Variants in TACC3 observed in about 807,000 individuals in gnomAD.
The protein encoded by TACC3 is transforming acidic coiled-coil-containing protein 3.
A neutral mutation model predicts 86.0 loss-of-function variants in TACC3; 52 were observed. That is an observed-to-expected ratio of 0.60 (90% CI 0.48 to 0.76). TACC3 has a LOEUF of 0.76. TACC3 is among the 30% of genes least tolerant of loss of function. The pLI, the probability that TACC3 is intolerant of heterozygous loss-of-function variation, is 0.00. For synonymous variants in TACC3, 512 were observed against 430.0 expected (o/e 1.19, Z -2.36); for missense variants, 1,120 against 1,070.4 (o/e 1.05, Z -0.65).
chr4:1,735,662 C>T lies in TACC3; in HGVS notation c.1645-69C>T. On this transcript the variant is annotated intron_variant, in intron 7 of 15. Coordinates refer to ENST00000313288, the MANE Select transcript of TACC3 (RefSeq NM_006342.3). The surrounding 1 kb of genome is among the most constrained non-coding windows in gnomAD (Gnocchi z 4.2). The stretch of plus-strand genomic sequence containing the variant: ...GGGTGGGAGTGTGCAGGTGACCTCC[C>T]TGGCCCTTAGCCCCCGTGTGTGTTA... The T allele has an allele frequency of 7.9e-7, 1 of 1,261,932 alleles. No individual in the cohort carries two copies. The highest frequency in any genetic ancestry group is 1.1e-6 in the Non-Finnish European group (1 of 886,798). The allele number at this position is 1,261,932 out of a possible 1,614,324, so 78.2% of individuals were successfully genotyped here.
intron 13 of TACC3, 40 bp downstream of exon 13, chr4:1,741,026 G>A (rs1156532658): frequency 1.9e-6 from 3 of 1,564,340 alleles, no homozygotes; most frequent in Non-Finnish European, 2.6e-6. Context: ...CTCGGAGGCT[G>A]ATGGACTCAT....
At chr4:1,720,810 G>A, upstream of TACC3, 1 of 1,593,914 alleles carries the variant, frequency 6.3e-7, no homozygotes. The surrounding 1 kb of genome is among the most constrained non-coding windows in gnomAD (Gnocchi z 4.4). Context: ...AGATAGGCGA[G>A]AGTGAAGGTC....
Position 1,728,498 on chromosome 4 carries a change from C to T in TACC3, c.1096C>T (p.Pro366Ser), listed in dbSNP as rs148296260. 137 of 1,613,882 alleles carry T rather than the reference C, an allele frequency of 8.5e-5. No homozygotes were observed. The highest frequency in any genetic ancestry group is 6.6e-4 in the Middle Eastern group (4 of 6,082). The change falls in exon 4 of 16, where the codon CCC (proline) becomes TCC (serine). Residue 366 changes from proline (P) to serine (S), a missense_variant. Pro to Ser is a moderately conservative substitution (Grantham distance 74). Coordinates refer to ENST00000313288, the MANE Select transcript of TACC3 (RefSeq NM_006342.3). ...GGGAGAGAGGTCCGGCCTCAAGCCT[C>T]CCTTGAGGAAAGCAGCAGTGAGGCA... The part of the protein sequence containing the change: ...RLGERSGLKP[P>S]LRKAAVRQQK...
intron 13 of TACC3, 120 bp downstream of exon 13, chr4:1,741,106 C>A: frequency 1.0e-6 from 1 of 982,238 alleles, no homozygotes; most frequent in Non-Finnish European, 1.5e-6. Flanking sequence ...CCCCTTGCCA[C>A]GGGGGCATGG....
intron 6 of TACC3, 134 bp downstream of exon 6, chr4:1,731,435 C>G: frequency 3.0e-6 from 3 of 1,004,452 alleles, no homozygotes; most frequent in Non-Finnish European, 4.4e-6. Context: ...CTTTGAATGA[C>G]TCATGCACAA....
At chr4:1,731,865 C>T (rs1050505290) in intron 6 of TACC3, among the ~76,000 whole-genome samples, 3 of 152,244 alleles carry the variant, frequency 2.0e-5, no homozygotes, top group African/African-American at 4.8e-5. Flanking sequence ...AAACTCTGAC[C>T]TCAAGTGATC....
At chr4:1,738,619 C>T (rs189283982) in intron 10 of TACC3, among the ~76,000 whole-genome samples, 1 of 152,230 alleles carries the variant, frequency 6.6e-6, no homozygotes, top group Non-Finnish European at 1.5e-5. Flanking sequence ...TTTTTACTTT[C>T]TGCAGAAAGG....
chr4:1,724,764 T>A (rs1270202650), intron 3 of TACC3, among the ~76,000 whole-genome samples: 3 of 151,044 alleles, frequency 2.0e-5, no homozygotes, highest in Non-Finnish European at 4.4e-5. Flanking sequence ...GATGTAACTG[T>A]TGTTGCTGTT....
intron 11 of TACC3, 79 bp downstream of exon 11, chr4:1,739,857 TC>T: frequency 6.4e-7 from 1 of 1,564,130 alleles, no homozygotes; most frequent in Non-Finnish European, 8.8e-7. Context: ...GCCATCCTTG[TC>T]CCCATCCCCC....
chr4:1,737,648 C>T lies in TACC3; in HGVS notation c.1887C>T (p.Ser629=), dbSNP rs1253441547. ...CCGCGCCTGGGGGCCCACCCCTGTCCACCGGACCTATAGTGGACCTGCTCC... is the reference window on the plus strand; with the variant it reads ...CCGCGCCTGGGGGCCCACCCCTGTCTACCGGACCTATAGTGGACCTGCTCC... The part of the protein sequence containing the change: ...GVPAPGGPPL[S]TGPIVDLLQY... The change falls in exon 10 of 16, where the codon TCC becomes TCT. Residue 629 remains serine, a synonymous_variant. Transcript: ENST00000313288. The T allele has an allele frequency of 2.6e-6, 4 of 1,546,544 alleles. No individual in the cohort carries two copies. Among genetic ancestry groups the T allele is most frequent in the Non-Finnish European group, 3.5e-6 (4 of 1,144,028 alleles).
chr4:1,744,393 G>T (rs918224717), intron 13 of TACC3, 125 bp from the exon 14 acceptor site: 2 of 822,452 alleles, frequency 2.4e-6, no homozygotes, highest in African/African-American at 3.5e-5. Flanking sequence ...AAAGGAAAAC[G>T]GGAGCTACTG....
At chr4:1,725,593 C>G (rs1384591505) in intron 3 of TACC3, among the ~76,000 whole-genome samples, 1 of 152,316 alleles carries the variant, frequency 6.6e-6, no homozygotes, top group East Asian at 1.9e-4. Flanking sequence ...CCACAGATCC[C>G]CTGCCTCTCC....
chr4:1,731,213 C>T lies in TACC3; in HGVS notation c.1503C>T (p.Ser501=), dbSNP rs147718285. ...CTGCCAGCACCTCGCTTCCCACAAG[C>T]TGTCCAGGCAGTGAGCCAGTGCCCA... The part of the protein sequence containing the change: ...LNSASTSLPT[S]CPGSEPVPTH... Residue 501 remains serine (S), a synonymous_variant, in exon 6 of 16, where the codon AGC becomes AGT. Coordinates refer to ENST00000313288, the MANE Select transcript of TACC3 (RefSeq NM_006342.3). 21 of 1,613,424 alleles carry T rather than the reference C, an allele frequency of 1.3e-5. No homozygotes were observed. In the African/African-American group the frequency reaches 2.8e-4, roughly 21 times the overall value.
intron 12 of TACC3, 120 bp downstream of exon 12, chr4:1,740,122 C>A: frequency 3.1e-6 from 3 of 974,582 alleles, no homozygotes; most frequent in African/African-American, 1.6e-5. Flanking sequence ...TCCTAACACA[C>A]GAGTCCCTTC....
intron 3 of TACC3, among the ~76,000 whole-genome samples, chr4:1,725,961 T>C (rs1717667219): frequency 6.6e-6 from 1 of 152,226 alleles, no homozygotes; most frequent in Admixed American, 6.5e-5. Flanking sequence ...TTCTCAGTTT[T>C]GACATCTTCA....
chr4:1,730,737 G>C (rs1199628755), intron 4 of TACC3, 150 bp from the exon 5 acceptor site: 3 of 931,404 alleles, frequency 3.2e-6, no homozygotes, highest in Non-Finnish European at 5.2e-6. Flanking sequence ...AGGTCGCTTG[G>C]GACAGCCCCA....
Position 1,735,342 on chromosome 4 carries a change from TC to T in TACC3, c.1644+19del, listed in dbSNP as rs1718200352. 1.2e-6 allele frequency: 2 copies of T among 1,613,844 alleles called. No homozygotes were observed. The highest frequency in any genetic ancestry group is 1.7e-6 in the Non-Finnish European group (2 of 1,179,998). Reference sequence around the variant, plus strand: ...ACTTCCTCGGTAGGTACCAGGCAATTCCGCGAAGCCTCACCCACAGGGTGTC... The same window carrying T: ...ACTTCCTCGGTAGGTACCAGGCAATTCGCGAAGCCTCACCCACAGGGTGTC... On this transcript the variant is annotated intron_variant, in intron 7 of 15. Transcript: ENST00000313288. The surrounding 1 kb of genome is among the most constrained non-coding windows in gnomAD (Gnocchi z 4.2).
chr4:1,740,301 C>T lies in TACC3; in HGVS notation c.2062+299C>T, dbSNP rs1293659523. 5.6e-6 allele frequency: 3 copies of T among 538,742 alleles called. No individual in the cohort carries two copies. In the East Asian group the frequency reaches 9.4e-5, roughly 17 times the overall value. The allele number at this position is 538,742 out of a possible 1,614,324, so 33.4% of individuals were successfully genotyped here. A position where few individuals can be genotyped will look rare whatever the true frequency, so the allele number is the denominator to read the frequency against. On this transcript the variant is annotated intron_variant, in intron 12 of 15. Transcript: ENST00000313288. ...GAGTCTGTCCCGCCGTGGCCTACCC[C>T]ACTCCACCCTGCCCTCGCCGTGCGG...
intron 3 of TACC3, among the ~76,000 whole-genome samples, chr4:1,726,436 CATCCTGGGGCCTGCAAGTCCCCAG>C (rs1406993412): frequency 6.6e-6 from 1 of 152,192 alleles, no homozygotes; most frequent in African/African-American, 2.4e-5. Flanking sequence ...CCCTGCTGGC[CATCCTGGGGCCTGCAAGTCCCCAG>C]GACTGATCTG....
Sources: allele counts gnomAD v4.1 joint callset (sites outside exome capture counted in the v4.1 genomes callset), GRCh38; gene constraint gnomAD v4.1.1; non-coding constraint Gnocchi (gnomAD v3.1); transcripts MANE v1.5; gene names NCBI Gene and HGNC (gene_info 2026-07-23, HGNC 2026-07-21).